Variants in CPNE8 observed in about 807,000 individuals in gnomAD.
CPNE8 encodes copine 8.
CPNE8 carries 45 observed loss-of-function variants against 81.5 expected under a neutral mutation model. The ratio of observed to expected loss-of-function variants is 0.55; its 90% CI spans 0.44 to 0.71. The LOEUF (loss-of-function observed/expected upper bound fraction) is 0.71, where lower values mean the gene tolerates loss of function less well. CPNE8 is among the 30% of genes least tolerant of loss of function. The pLI, the probability that CPNE8 is intolerant of heterozygous loss-of-function variation, is 0.00. For missense variants in CPNE8, 594 were observed against 672.1 expected, an observed-to-expected ratio of 0.88 and a Z score of 1.28; for synonymous variants, 252 against 226.3, an observed-to-expected ratio of 1.11 and a Z score of -1.02.
chr12:38,905,642 G>A (rs1025838308), upstream of CPNE8: 16 of 1,504,030 alleles, frequency 1.1e-5, no homozygotes, highest in South Asian at 1.2e-4. Context: ...GGAGGCAGAA[G>A]AAGGAGGCGG....
At chr12:38,840,066 C>T in intron 4 of CPNE8, 111 bp from the exon 5 acceptor site, 4 of 1,083,518 alleles carry the variant, frequency 3.7e-6, no homozygotes, top group Non-Finnish European at 5.0e-6. Context: ...AAAATAATAC[C>T]AATAGGAAGA....
chr12:38,677,418 G>A (rs759191867), intron 17 of CPNE8, 34 bp downstream of exon 17: 18 of 1,127,880 alleles, frequency 1.6e-5, no homozygotes, highest in African/African-American at 6.1e-5. Flanking sequence ...ATGTTGTCAC[G>A]TAGCGAGCCC....
chr12:38,654,463 C>T (rs1356224162), intron 19 of CPNE8, among the ~76,000 whole-genome samples: 3 of 135,902 alleles, frequency 2.2e-5, no homozygotes, highest in Non-Finnish European at 4.6e-5. Context: ...TGCAGTGAGC[C>T]GAGATCATGC....
At chr12:38,795,466 A>C (rs1942437704) in intron 6 of CPNE8, among the ~76,000 whole-genome samples, 1 of 152,142 alleles carries the variant, frequency 6.6e-6, no homozygotes, top group African/African-American at 2.4e-5. Context: ...AAGAAGTAGA[A>C]GCAACCCAAA....
At chr12:38,660,597 C>T (rs1458252376) in intron 19 of CPNE8, among the ~76,000 whole-genome samples, 1 of 151,978 alleles carries the variant, frequency 6.6e-6, no homozygotes, top group Admixed American at 6.6e-5. Context: ...AATGGTAACA[C>T]AAGCCAAAAT....
intron 13 of CPNE8, among the ~76,000 whole-genome samples, chr12:38,719,733 T>A (rs533896172): frequency 1.3e-5 from 2 of 152,150 alleles, no homozygotes; most frequent in Non-Finnish European, 2.9e-5. Flanking sequence ...AAAGAATAAG[T>A]TAATATCCCT....
chr12:38,881,201 T>G (rs1944151846), intron 1 of CPNE8, among the ~76,000 whole-genome samples: 1 of 116,570 alleles, frequency 8.6e-6, no homozygotes, highest in South Asian at 2.9e-4. Context: ...CACAGCGAGA[T>G]TCCGTCTCAA....
intron 6 of CPNE8, among the ~76,000 whole-genome samples, chr12:38,822,861 A>C (rs1221014866): frequency 6.6e-6 from 1 of 152,206 alleles, no homozygotes; most frequent in African/African-American, 2.4e-5. Context: ...GTCCAGCCCA[A>C]TATTCTTCCC....
At chr12:38,890,641 C>A (rs1944301110) in intron 1 of CPNE8, among the ~76,000 whole-genome samples, 1 of 151,972 alleles carries the variant, frequency 6.6e-6, no homozygotes, top group South Asian at 2.1e-4. Flanking sequence ...GTGGCCAGGC[C>A]ACCAAACAGC....
At chr12:38,666,935 AC>A (rs1939068962) in intron 19 of CPNE8, among the ~76,000 whole-genome samples, 1 of 152,180 alleles carries the variant, frequency 6.6e-6, no homozygotes, top group Non-Finnish European at 1.5e-5. Context: ...TTAATTAAGG[AC>A]TGAGTGATTT....
At chr12:38,877,194 C>T (rs985596394) in intron 1 of CPNE8, among the ~76,000 whole-genome samples, 7 of 152,214 alleles carry the variant, frequency 4.6e-5, no homozygotes, top group Admixed American at 6.5e-5. Flanking sequence ...TCCAATTTTA[C>T]CTACCACATG....
intron 13 of CPNE8, 73 bp downstream of exon 13, chr12:38,723,699 C>T: frequency 1.1e-6 from 1 of 871,402 alleles, no homozygotes; most frequent in Non-Finnish European, 1.9e-6. Context: ...GTGCCAGGTA[C>T]CTCGTGGTAG....
chr12:38,673,424 A>G (rs1392453227), intron 18 of CPNE8, among the ~76,000 whole-genome samples: 1 of 152,174 alleles, frequency 6.6e-6, no homozygotes, highest in African/African-American at 2.4e-5. Context: ...CTCCTCTGAT[A>G]GGAGAGCAAC....
intron 4 of CPNE8, among the ~76,000 whole-genome samples, chr12:38,841,349 T>A (rs1943465491): frequency 6.6e-6 from 1 of 152,118 alleles, no homozygotes. Context: ...TTAAAAAATA[T>A]TATGAATCTC....
At chr12:38,677,781 A>C (rs575247250) in intron 16 of CPNE8, among the ~76,000 whole-genome samples, 1 of 152,012 alleles carries the variant, frequency 6.6e-6, no homozygotes, top group East Asian at 1.9e-4. Context: ...GTTGCCTAAA[A>C]GTTCATTTAC....
chr12:38,761,483 G>T (rs986431978), intron 9 of CPNE8, among the ~76,000 whole-genome samples: 1 of 152,112 alleles, frequency 6.6e-6, no homozygotes, highest in African/African-American at 2.4e-5. Flanking sequence ...TAGTCAAGTG[G>T]CATGATAAAT....
intron 1 of CPNE8, among the ~76,000 whole-genome samples, chr12:38,891,761 T>C (rs1247769964): frequency 2.0e-5 from 3 of 152,200 alleles, no homozygotes; most frequent in Non-Finnish European, 2.9e-5. Flanking sequence ...TAAACTAATA[T>C]TTTTAAGGGT....
chr12:38,791,449 T>C (rs1259341496), intron 6 of CPNE8, among the ~76,000 whole-genome samples: 1 of 151,520 alleles, frequency 6.6e-6, no homozygotes, highest in African/African-American at 2.4e-5. Context: ...AAAACATTTC[T>C]GAAAAACTTA....
At chr12:38,664,423 T>C (rs568825222) in intron 19 of CPNE8, among the ~76,000 whole-genome samples, 37 of 152,206 alleles carry the variant, frequency 2.4e-4, no homozygotes, top group African/African-American at 8.9e-4. Flanking sequence ...CACATTTATA[T>C]AGTCAATATA....
Sources: gnomAD v4.1 joint callset for allele counts (sites outside exome capture counted in the v4.1 genomes callset) on GRCh38, gnomAD v4.1.1 for gene constraint, MANE v1.5 for transcripts, NCBI Gene and HGNC (gene_info 2026-07-23, HGNC 2026-07-21) for gene names.